Variants in SPOCK3 observed in about 807,000 individuals in gnomAD.
SPOCK3 encodes the protein SPARC (osteonectin), cwcv and kazal like domains proteoglycan 3.
In SPOCK3, 30 loss-of-function variants were observed where a neutral mutation model predicts 56.6. The ratio of observed to expected loss-of-function variants is 0.53; its 90% confidence interval spans 0.40 to 0.72. The LOEUF is 0.72. Ranked by LOEUF, SPOCK3 falls within the 30% of genes least tolerant of loss-of-function variation. SPOCK3 has a pLI of 0.00. For missense variants in SPOCK3, 527 were observed against 530.0 expected, an observed-to-expected ratio of 0.99 and a Z score of 0.06; for synonymous variants, 196 against 183.3, an observed-to-expected ratio of 1.07 and a Z score of -0.56.
At chr4:166,744,913 G>A (rs1273771521) in intron 8 of SPOCK3, among the ~76,000 whole-genome samples, 1 of 152,056 alleles carries the variant, frequency 6.6e-6, no homozygotes, top group Non-Finnish European at 1.5e-5. Flanking sequence ...TGAATGAAAT[G>A]AAGCGAGAAG....
At chr4:167,120,206 C>G (rs1461276035) in intron 2 of SPOCK3, among the ~76,000 whole-genome samples, 1 of 151,998 alleles carries the variant, frequency 6.6e-6, no homozygotes, top group African/African-American at 2.4e-5. Context: ...TGCTCTATCA[C>G]TTTCTAGCTA....
chr4:167,074,789 C>G (rs1462439054), intron 2 of SPOCK3, among the ~76,000 whole-genome samples: 1 of 151,736 alleles, frequency 6.6e-6, no homozygotes, highest in Non-Finnish European at 1.5e-5. Flanking sequence ...TCTCATTTGA[C>G]AAAACAGTAC....
At chr4:167,233,280 C>T (rs1345976329) in intron 2 of SPOCK3, among the ~76,000 whole-genome samples, 4 of 152,282 alleles carry the variant, frequency 2.6e-5, no homozygotes, top group South Asian at 4.1e-4. Context: ...TTGAAAACTC[C>T]CCAGGGGAGT....
intron 7 of SPOCK3, among the ~76,000 whole-genome samples, chr4:166,791,289 G>A (rs1409235669): frequency 1.3e-5 from 2 of 152,114 alleles, no homozygotes; most frequent in African/African-American, 4.8e-5. Context: ...AATCTACAGA[G>A]GATTATCTTA....
At chr4:167,151,449 T>C (rs913340137) in intron 2 of SPOCK3, among the ~76,000 whole-genome samples, 20 of 150,442 alleles carry the variant, frequency 1.3e-4, no homozygotes, top group Admixed American at 1.2e-3. Flanking sequence ...TTTTTTTTTT[T>C]TTTGAGACGG....
At chr4:167,144,779 G>T (rs1300861373) in intron 2 of SPOCK3, among the ~76,000 whole-genome samples, 1 of 143,812 alleles carries the variant, frequency 7.0e-6, no homozygotes, top group Non-Finnish European at 1.5e-5. Context: ...TCTTGATGTG[G>T]AAGCAACATA....
chr4:166,870,516 A>G (rs990507236), intron 6 of SPOCK3, among the ~76,000 whole-genome samples: 79 of 152,264 alleles, frequency 5.2e-4, no homozygotes, highest in African/African-American at 1.8e-3. Flanking sequence ...TATTCTTAGA[A>G]CACAAAAGAA....
intron 8 of SPOCK3, among the ~76,000 whole-genome samples, chr4:166,748,081 A>G (rs1342284959): frequency 2.6e-5 from 4 of 151,900 alleles, no homozygotes; most frequent in African/African-American, 9.7e-5. Flanking sequence ...TATAGATTCA[A>G]TGCCATCCCC....
intron 2 of SPOCK3, among the ~76,000 whole-genome samples, chr4:167,182,191 T>G (rs144938473): frequency 1.3e-5 from 2 of 152,294 alleles, no homozygotes; most frequent in Non-Finnish European, 2.9e-5. Context: ...GCAACTTTTT[T>G]TTCCCTTGGT....
At chr4:167,096,622 T>C (rs1040034796) in intron 2 of SPOCK3, among the ~76,000 whole-genome samples, 4 of 151,868 alleles carry the variant, frequency 2.6e-5, no homozygotes, top group African/African-American at 9.7e-5. Context: ...GAGAACATAT[T>C]TTCAATTATT....
intron 2 of SPOCK3, among the ~76,000 whole-genome samples, chr4:167,094,700 C>A (rs1758998348): frequency 6.6e-6 from 1 of 152,050 alleles, no homozygotes; most frequent in African/African-American, 2.4e-5. Context: ...TAGACACTTT[C>A]CTTTTAAGAT....
chr4:166,779,087 T>A (rs1170123488), intron 7 of SPOCK3, among the ~76,000 whole-genome samples: 2 of 152,132 alleles, frequency 1.3e-5, no homozygotes, highest in Non-Finnish European at 2.9e-5. Flanking sequence ...AACACTGAAT[T>A]GAGATTGAAG....
chr4:166,845,913 A>T (rs1302328980), intron 6 of SPOCK3, among the ~76,000 whole-genome samples: 1 of 152,188 alleles, frequency 6.6e-6, no homozygotes, highest in Non-Finnish European at 1.5e-5. Flanking sequence ...CTAAGCCTAG[A>T]GAGTATACCC....
At chr4:166,836,041 T>C (rs889757104) in intron 6 of SPOCK3, among the ~76,000 whole-genome samples, 2 of 152,140 alleles carry the variant, frequency 1.3e-5, no homozygotes, top group African/African-American at 2.4e-5. Flanking sequence ...TGTTTTACTA[T>C]TGAAACCTTT....
chr4:167,077,737 A>G (rs964200154), intron 2 of SPOCK3, among the ~76,000 whole-genome samples: 2 of 151,954 alleles, frequency 1.3e-5, no homozygotes, highest in Admixed American at 6.6e-5. Context: ...TGAATATTAT[A>G]GAAGAAAATA....
chr4:167,052,719 C>A (rs1470664305), intron 3 of SPOCK3, among the ~76,000 whole-genome samples: 1 of 152,234 alleles, frequency 6.6e-6, no homozygotes, highest in African/African-American at 2.4e-5. Flanking sequence ...TGGATCAGAC[C>A]TTTCTATTGT....
At chr4:166,800,675 C>T (rs1055451770) in intron 6 of SPOCK3, among the ~76,000 whole-genome samples, 4 of 151,806 alleles carry the variant, frequency 2.6e-5, no homozygotes, top group African/African-American at 9.7e-5. Flanking sequence ...GTACAATGTG[C>T]TTGCATGTTA....
At chr4:167,004,735 G>A (rs1159994988) in intron 3 of SPOCK3, among the ~76,000 whole-genome samples, 1 of 151,908 alleles carries the variant, frequency 6.6e-6, no homozygotes, top group Non-Finnish European at 1.5e-5. Flanking sequence ...TAATAGAAGG[G>A]GGAAATTGGT....
chr4:167,029,315 C>T (rs1752035316), intron 3 of SPOCK3, among the ~76,000 whole-genome samples: 2 of 151,482 alleles, frequency 1.3e-5, no homozygotes, highest in African/African-American at 4.9e-5. Flanking sequence ...TAGTCTCTGA[C>T]CTTTTTAGAG....
Sources: allele counts gnomAD v4.1 joint callset (sites outside exome capture counted in the v4.1 genomes callset), GRCh38; gene constraint gnomAD v4.1.1; transcripts MANE v1.5; gene names NCBI Gene and HGNC (gene_info 2026-07-23, HGNC 2026-07-21).